Variants in NTM observed in about 807,000 individuals in gnomAD.
NTM encodes the protein neurotrimin, also known as IgLON family member 2.
In NTM, 13 loss-of-function variants were observed where a neutral mutation model predicts 42.1. The ratio of observed to expected loss-of-function variants is 0.31; its 90% CI spans 0.20 to 0.49. NTM has a LOEUF of 0.49. Among genes scored for constraint, NTM ranks in the 20% least tolerant of loss-of-function variants. The pLI is 0.99. For synonymous variants in NTM, 187 were observed against 179.2 expected (o/e 1.04, Z -0.35); for missense variants, 373 against 452.8 (o/e 0.82, Z 1.60).
chr11:131,943,072 A>G (rs2134239922), intron 2 of NTM, among the ~76,000 whole-genome samples: 1 of 152,312 alleles, frequency 6.6e-6, no homozygotes, highest in East Asian at 1.9e-4. Flanking sequence ...TGGAGTCGTC[A>G]AGTGGAAGAG....
chr11:131,972,042 C>CAAAAAA (rs61627120), intron 2 of NTM, among the ~76,000 whole-genome samples: 16 of 57,830 alleles, frequency 2.8e-4, no homozygotes, highest in African/African-American at 6.1e-4. Context: ...GACTCCGTCT[C>CAAAAAA]AAAAAAAAAA....
At chr11:132,061,089 C>T (rs1267319069) in intron 2 of NTM, among the ~76,000 whole-genome samples, 3 of 152,048 alleles carry the variant, frequency 2.0e-5, no homozygotes, top group African/African-American at 7.2e-5. Flanking sequence ...TTCTTCTTTT[C>T]CTTTGTCCTT....
At chr11:131,507,688 A>G (rs1198927170) in intron 1 of NTM, among the ~76,000 whole-genome samples, 2 of 148,138 alleles carry the variant, frequency 1.4e-5, no homozygotes, top group Non-Finnish European at 3.0e-5. Flanking sequence ...CCTACCCATG[A>G]GCATGGAATG....
intron 1 of NTM, chr11:131,794,772 T>C (rs1005181439): frequency 3.0e-6 from 3 of 985,248 alleles, no homozygotes; most frequent in East Asian, 1.1e-4. Context: ...CCACACACCA[T>C]GTGAAAAGCA....
At chr11:131,508,769 G>A (rs1374562488) in intron 1 of NTM, among the ~76,000 whole-genome samples, 11 of 140,830 alleles carry the variant, frequency 7.8e-5, no homozygotes, top group African/African-American at 1.7e-4. Context: ...ATCATTCTCA[G>A]TAAACTATCG....
chr11:132,316,583 C>T (rs7952522), intron 7 of NTM, among the ~76,000 whole-genome samples: 1,992 of 152,232 alleles, frequency 0.013, 37 homozygotes, highest in African/African-American at 0.045. Flanking sequence ...CCAGAAGTCC[C>T]GGAGCCTTAA....
intron 1 of NTM, among the ~76,000 whole-genome samples, chr11:131,833,713 C>A (rs189895789): frequency 1.3e-5 from 2 of 152,270 alleles, no homozygotes; most frequent in Admixed American, 1.3e-4. Flanking sequence ...AGGCCCTGTA[C>A]CCTAAAGGAA....
intron 3 of NTM, among the ~76,000 whole-genome samples, chr11:132,176,811 C>T (rs1455592433): frequency 6.9e-6 from 1 of 144,602 alleles, no homozygotes; most frequent in African/African-American, 2.5e-5. Flanking sequence ...TCACTGCAAC[C>T]TCTGCCTCCT....
chr11:132,036,214 A>G (rs2076496235), intron 2 of NTM, among the ~76,000 whole-genome samples: 1 of 152,118 alleles, frequency 6.6e-6, no homozygotes, highest in Non-Finnish European at 1.5e-5. Context: ...TAAGATGTTG[A>G]TTATGCTGTG....
At chr11:132,127,687 G>A (rs964522919) in intron 2 of NTM, among the ~76,000 whole-genome samples, 1 of 152,180 alleles carries the variant, frequency 6.6e-6, no homozygotes, top group African/African-American at 2.4e-5. Flanking sequence ...GAGCCAGAGC[G>A]GCATTCCGGC....
intron 2 of NTM, among the ~76,000 whole-genome samples, chr11:132,041,868 T>A (rs1183672360): frequency 6.6e-6 from 1 of 152,126 alleles, no homozygotes. Flanking sequence ...ATAGGTAAAA[T>A]GGGGAGAATA....
At chr11:131,789,602 A>G (rs557994010) in intron 1 of NTM, among the ~76,000 whole-genome samples, 19 of 71,896 alleles carry the variant, frequency 2.6e-4, no homozygotes, top group South Asian at 1.1e-3. Flanking sequence ...GAAGAAGAAG[A>G]AGAAGAAGAA....
intron 1 of NTM, among the ~76,000 whole-genome samples, chr11:131,674,433 C>T (rs1222608155): frequency 1.3e-5 from 2 of 152,296 alleles, no homozygotes; most frequent in South Asian, 2.1e-4. Flanking sequence ...CTTGGCTTGT[C>T]GCCTGTAAAG....
chr11:132,127,787 G>T (rs1432226988), intron 2 of NTM, among the ~76,000 whole-genome samples: 1 of 152,170 alleles, frequency 6.6e-6, no homozygotes, highest in African/African-American at 2.4e-5. Context: ...CATTCATTTT[G>T]TTTTCTGGGG....
At chr11:131,977,381 G>A (rs1342016650) in intron 2 of NTM, among the ~76,000 whole-genome samples, 1 of 152,146 alleles carries the variant, frequency 6.6e-6, no homozygotes, top group South Asian at 2.1e-4. Context: ...GTCATGCAAG[G>A]CTATTCTGCC....
intron 2 of NTM, among the ~76,000 whole-genome samples, chr11:132,046,553 TA>T (rs1566021936): frequency 2.0e-5 from 3 of 152,184 alleles, no homozygotes; most frequent in Admixed American, 2.0e-4. Flanking sequence ...ATGCCATTAA[TA>T]AAAAATTAAG....
chr11:132,314,908 A>C, intron 7 of NTM: 1 of 1,348,644 alleles, frequency 7.4e-7, no homozygotes, highest in Non-Finnish European at 9.5e-7. Context: ...AAGAGAAAGA[A>C]CAAGAGATAC....
At chr11:132,103,632 T>C (rs2061902954) in intron 2 of NTM, among the ~76,000 whole-genome samples, 4 of 152,206 alleles carry the variant, frequency 2.6e-5, no homozygotes. Flanking sequence ...CTCTTTCCTT[T>C]CCTGAGATTT....
intron 1 of NTM, among the ~76,000 whole-genome samples, chr11:131,603,650 C>T (rs753201209): frequency 9.2e-5 from 14 of 152,192 alleles, no homozygotes; most frequent in East Asian, 3.9e-4. Context: ...CAAGACCCCA[C>T]GAGGAAATTA....
Sources: gnomAD v4.1 joint callset for allele counts (sites outside exome capture counted in the v4.1 genomes callset) on GRCh38, gnomAD v4.1.1 for gene constraint, MANE v1.5 for transcripts, NCBI Gene and HGNC (gene_info 2026-07-23, HGNC 2026-07-21) for gene names.